The following CHST8 variants were observed in gnomAD, a reference collection of about 807,000 sequenced individuals.
The protein encoded by CHST8 is carbohydrate sulfotransferase 8.
In CHST8, 10 loss-of-function variants were observed where a neutral mutation model predicts 15.0. The observed-to-expected ratio is 0.67, with a 90% CI of 0.41 to 1.13. The LOEUF is 1.13. Among genes scored for constraint, CHST8 ranks in the 50% most tolerant of loss-of-function variants. The probability of loss-of-function intolerance (pLI) is 0.00; values close to 1 mark genes in which losing one functional copy is unlikely to be tolerated. For synonymous variants in CHST8, 259 were observed against 256.6 expected, an observed-to-expected ratio of 1.01 and a Z score of -0.09; for missense variants, 634 against 608.2, an observed-to-expected ratio of 1.04 and a Z score of -0.45.
chr19:33,632,170 C>T (rs1972131059), intron 1 of CHST8, among the ~76,000 whole-genome samples: 1 of 150,610 alleles, frequency 6.6e-6, no homozygotes, highest in African/African-American at 2.4e-5. Context: ...GACAGGGTCT[C>T]CCTCTGTCAC....
chr19:33,633,082 C>G (rs774325716), intron 1 of CHST8, among the ~76,000 whole-genome samples: 1 of 152,120 alleles, frequency 6.6e-6, no homozygotes, highest in Non-Finnish European at 1.5e-5. Flanking sequence ...CCACCCGCCT[C>G]GGTCTCCCAA....
intron 3 of CHST8, among the ~76,000 whole-genome samples, chr19:33,765,070 A>ATATATTTATATATATATATATATATATG (rs71181381): frequency 8.8e-6 from 1 of 113,156 alleles, no homozygotes; most frequent in African/African-American, 4.2e-5. Flanking sequence ...ATATATATAT[A>ATATATTTATATATATATATATATATATG]TATCAGAGTT....
chr19:33,651,770 C>T (rs920356750), intron 1 of CHST8, among the ~76,000 whole-genome samples: 9 of 151,966 alleles, frequency 5.9e-5, no homozygotes, highest in African/African-American at 2.2e-4. Context: ...GGTGTGCATG[C>T]TATTGATTAT....
intron 3 of CHST8, among the ~76,000 whole-genome samples, chr19:33,760,979 T>C (rs928741465): frequency 2.0e-5 from 3 of 152,144 alleles, no homozygotes; most frequent in East Asian, 1.9e-4. Flanking sequence ...GCTCCATCAA[T>C]GTGAAGTGAA....
At chr19:33,758,929 G>GC (rs1974661418) in intron 3 of CHST8, among the ~76,000 whole-genome samples, 2 of 152,144 alleles carry the variant, frequency 1.3e-5, no homozygotes, top group African/African-American at 4.8e-5. Context: ...TGGCGGGGGG[G>GC]GGCGGTGCTC....
At chr19:33,725,617 T>A (rs1973879248) in intron 3 of CHST8, among the ~76,000 whole-genome samples, 1 of 152,150 alleles carries the variant, frequency 6.6e-6, no homozygotes, top group Admixed American at 6.5e-5. Context: ...AAAGATACTC[T>A]TTCTCCCTTG....
intron 3 of CHST8, among the ~76,000 whole-genome samples, chr19:33,757,532 GAAAGAAAGAAAGAA>G (rs1568358887): frequency 4.3e-5 from 2 of 46,924 alleles, no homozygotes; most frequent in South Asian, 1.4e-3. Context: ...GAGAAAGAAA[GAAAGAAAGAAAGAA>G]AGAAAGAAAG....
chr19:33,752,097 C>T (rs1401197574), intron 3 of CHST8, among the ~76,000 whole-genome samples: 3 of 152,188 alleles, frequency 2.0e-5, no homozygotes, highest in Non-Finnish European at 4.4e-5. Context: ...TGCCTGAGCC[C>T]CAGGACGAAG....
At chr19:33,716,936 C>A (rs1013797126) in intron 3 of CHST8, among the ~76,000 whole-genome samples, 17 of 152,158 alleles carry the variant, frequency 1.1e-4, no homozygotes, top group African/African-American at 4.1e-4. Context: ...TGTGTCCTCC[C>A]ATGGTTTTCC....
At chr19:33,750,677 T>C (rs899682521) in intron 3 of CHST8, among the ~76,000 whole-genome samples, 4 of 152,114 alleles carry the variant, frequency 2.6e-5, no homozygotes, top group African/African-American at 4.8e-5. Flanking sequence ...CAAAGCAAAA[T>C]AGAGCATTCT....
chr19:33,705,166 A>T (rs1973423162), intron 3 of CHST8, among the ~76,000 whole-genome samples: 1 of 151,996 alleles, frequency 6.6e-6, no homozygotes, highest in South Asian at 2.1e-4. Context: ...GACACAGAGG[A>T]GGTGGGTCTC....
chr19:33,718,255 G>A (rs569666421), intron 3 of CHST8, among the ~76,000 whole-genome samples: 1 of 131,230 alleles, frequency 7.6e-6, no homozygotes, highest in African/African-American at 2.8e-5. Flanking sequence ...CTCTTGCTCT[G>A]TTGCCCAGGC....
At chr19:33,649,172 G>A (rs536415531) in intron 1 of CHST8, among the ~76,000 whole-genome samples, 1 of 152,148 alleles carries the variant, frequency 6.6e-6, no homozygotes, top group Non-Finnish European at 1.5e-5. Context: ...CCAAAGTGCT[G>A]GGATTACAGA....
intron 3 of CHST8, among the ~76,000 whole-genome samples, chr19:33,710,447 T>C (rs987468079): frequency 1.3e-5 from 2 of 152,234 alleles, no homozygotes; most frequent in Non-Finnish European, 2.9e-5. Flanking sequence ...TTGTTCTTCT[T>C]TTTTCATTTC....
intron 3 of CHST8, among the ~76,000 whole-genome samples, chr19:33,770,119 A>C (rs909115412): frequency 1.2e-4 from 18 of 152,306 alleles, no homozygotes; most frequent in African/African-American, 4.3e-4. Flanking sequence ...GAGTCTGTAA[A>C]ACTGGACCTC....
chr19:33,684,730 T>TC (rs74174680), intron 2 of CHST8: 24,132 of 151,950 alleles, frequency 0.16, 2,226 homozygotes, highest in Admixed American at 0.25. Context: ...CACCGATCGA[T>TC]CGGCGACGAG....
chr19:33,722,856 T>C (rs545016713), intron 3 of CHST8, among the ~76,000 whole-genome samples: 1 of 152,366 alleles, frequency 6.6e-6, no homozygotes, highest in East Asian at 1.9e-4. Flanking sequence ...GCTGCTGATA[T>C]GAATACACTA....
chr19:33,727,835 C>T (rs2145320494), intron 3 of CHST8, among the ~76,000 whole-genome samples: 1 of 152,390 alleles, frequency 6.6e-6, no homozygotes, highest in East Asian at 1.9e-4. Context: ...TTGCACAAGC[C>T]TGTGTGCCTT....
intron 3 of CHST8, among the ~76,000 whole-genome samples, chr19:33,749,311 G>GTA (rs1974370214): frequency 6.6e-6 from 1 of 152,082 alleles, no homozygotes; most frequent in Non-Finnish European, 1.5e-5. Context: ...CTAAATATGT[G>GTA]TATATCACAG....
Sources: allele counts gnomAD v4.1 joint callset (sites outside exome capture counted in the v4.1 genomes callset), GRCh38; gene constraint gnomAD v4.1.1; transcripts MANE v1.5; gene names NCBI Gene and HGNC (gene_info 2026-07-23, HGNC 2026-07-21).